The following CHST11 variants were observed in gnomAD, a reference collection of about 807,000 sequenced individuals.
The protein encoded by CHST11 is carbohydrate sulfotransferase 11.
In CHST11, 9 loss-of-function variants were observed where a neutral mutation model predicts 30.4. That is an observed-to-expected ratio of 0.30 (90% CI 0.18 to 0.52). CHST11 has a LOEUF of 0.52. CHST11 is among the 20% of genes least tolerant of loss of function. CHST11 has a pLI of 0.97. For missense variants in CHST11, 348 were observed against 460.6 expected, an observed-to-expected ratio of 0.76 and a Z score of 2.24; for synonymous variants, 152 against 187.8, an observed-to-expected ratio of 0.81 and a Z score of 1.56.
At chr12:104,518,468 T>G (rs754060930) in intron 1 of CHST11, among the ~76,000 whole-genome samples, 1 of 152,142 alleles carries the variant, frequency 6.6e-6, no homozygotes, top group Admixed American at 6.5e-5. Context: ...CCAGATTCAG[T>G]TGGACTCTGA....
intron 2 of CHST11, among the ~76,000 whole-genome samples, chr12:104,695,967 AC>A (rs1252757487): frequency 6.6e-6 from 1 of 152,130 alleles, no homozygotes; most frequent in Non-Finnish European, 1.5e-5. Context: ...TGACCCTCCC[AC>A]CCCCACTTTG....
At chr12:104,560,914 T>C (rs531839364) in intron 1 of CHST11, among the ~76,000 whole-genome samples, 1 of 152,208 alleles carries the variant, frequency 6.6e-6, no homozygotes, top group Non-Finnish European at 1.5e-5. Context: ...ATTGCTGTGG[T>C]CAGCCATGTC....
At chr12:104,686,711 G>A (rs969170528) in intron 2 of CHST11, among the ~76,000 whole-genome samples, 4 of 152,136 alleles carry the variant, frequency 2.6e-5, no homozygotes, top group Admixed American at 6.5e-5. Context: ...GCAGTGGCGC[G>A]ATCTCAGCTC....
chr12:104,541,844 G>C (rs2038290401), intron 1 of CHST11, among the ~76,000 whole-genome samples: 2 of 152,196 alleles, frequency 1.3e-5, no homozygotes, highest in Non-Finnish European at 2.9e-5. Flanking sequence ...AGGGAAAATT[G>C]CTTGAACCCA....
At chr12:104,617,332 C>T (rs1486073511) in intron 2 of CHST11, among the ~76,000 whole-genome samples, 1 of 152,096 alleles carries the variant, frequency 6.6e-6, no homozygotes, top group Admixed American at 6.5e-5. Context: ...TCACAAGAAA[C>T]AAGGAGGAGG....
At chr12:104,601,764 AGT>A (rs1371216357) in intron 1 of CHST11, 140 bp from the exon 2 acceptor site, 20 of 635,358 alleles carry the variant, frequency 3.1e-5, no homozygotes, top group African/African-American at 7.4e-5. Flanking sequence ...GAGAAGGGAC[AGT>A]GTGGAAATCT....
At chr12:104,598,892 TTGGGAGGTGACCCTCACCTCACAG>T in intron 1 of CHST11, among the ~76,000 whole-genome samples, 2 of 41,784 alleles carry the variant, frequency 4.8e-5, no homozygotes, top group South Asian at 1.9e-3. Flanking sequence ...CCTAGCTGAG[TTGGGAGGTGACCCTCACCTCACAG>T]GTTGGGCAGC....
At chr12:104,755,941 A>G (rs546158187) in intron 2 of CHST11, among the ~76,000 whole-genome samples, 1 of 152,042 alleles carries the variant, frequency 6.6e-6, no homozygotes, top group South Asian at 2.1e-4. Context: ...AAGGGTGAGG[A>G]GTAGGAATCA....
intron 2 of CHST11, among the ~76,000 whole-genome samples, chr12:104,744,374 G>C (rs531943985): frequency 3.5e-4 from 53 of 152,070 alleles, no homozygotes; most frequent in Non-Finnish European, 7.1e-4. Context: ...ACTTTTTTTT[G>C]TATGATTGTT....
chr12:104,599,804 GC>G (rs1367233512), intron 1 of CHST11, among the ~76,000 whole-genome samples: 2 of 152,144 alleles, frequency 1.3e-5, no homozygotes, highest in Non-Finnish European at 2.9e-5. Flanking sequence ...GCAAACTCTA[GC>G]CCAAGGGCCA....
intron 2 of CHST11, among the ~76,000 whole-genome samples, chr12:104,667,539 AAGTGGACACAGGATGGTTTTAGACGAG>A (rs1289070177): frequency 1.3e-5 from 2 of 152,200 alleles, no homozygotes; most frequent in African/African-American, 2.4e-5. Flanking sequence ...GGAAGGAGCC[AAGTGGACACAGGATGGTTTTAGACGAG>A]TGGTCCTAAC....
chr12:104,496,213 T>G (rs59632603), intron 1 of CHST11, among the ~76,000 whole-genome samples: 55,612 of 152,086 alleles, frequency 0.37, 10,515 homozygotes, highest in African/African-American at 0.42. Flanking sequence ...TGTGTGGCAG[T>G]GGGGAGGAAG....
At chr12:104,464,543 G>T (rs1376381609) in intron 1 of CHST11, among the ~76,000 whole-genome samples, 1 of 151,728 alleles carries the variant, frequency 6.6e-6, no homozygotes, top group Non-Finnish European at 1.5e-5. Flanking sequence ...TTGCTCTATT[G>T]CCCAGGTTGG....
Position 104,757,767 on chromosome 12 carries a change from C to A in CHST11, c.1023C>A (p.Phe341Leu). ...YEVYKLDFLM[F>L]NYSVPSYLKL... Reference sequence around the variant, plus strand: ...TCTACAAACTCGATTTTTTAATGTTCAATTACTCAGTGCCAAGCTACCTGA... The same window carrying A: ...TCTACAAACTCGATTTTTTAATGTTAAATTACTCAGTGCCAAGCTACCTGA... Residue 341 changes from phenylalanine to leucine, a missense_variant, in exon 3 of 3, where the codon TTC becomes TTA. Phe to Leu is a conservative substitution (Grantham distance 22). This residue lies in a region of CHST11 where 210 missense variants were observed against 287.2 expected (regional missense o/e 0.73). Coordinates refer to ENST00000303694, the MANE Select transcript of CHST11 (RefSeq NM_018413.6). This position sits in a 1 kb window ranked among gnomAD's most constrained non-coding sequence, Gnocchi z 6.5. 1 of 1,613,960 alleles carries A rather than the reference C, an allele frequency of 6.2e-7. No individual in the cohort carries two copies. The highest frequency in any genetic ancestry group is 1.1e-5 in the South Asian group (1 of 91,060).
At chr12:104,513,027 A>G (rs1246174304) in intron 1 of CHST11, among the ~76,000 whole-genome samples, 1 of 151,230 alleles carries the variant, frequency 6.6e-6, no homozygotes, top group Non-Finnish European at 1.5e-5. Flanking sequence ...ATTGGTTTGT[A>G]TGGCCATTTC....
chr12:104,716,692 C>CT (rs1447408944), intron 2 of CHST11, among the ~76,000 whole-genome samples: 1 of 152,174 alleles, frequency 6.6e-6, no homozygotes, highest in Non-Finnish European at 1.5e-5. Context: ...CCCAACGTGC[C>CT]TGGGGGAGGC....
At chr12:104,509,473 T>G (rs978330059) in intron 1 of CHST11, among the ~76,000 whole-genome samples, 5 of 152,230 alleles carry the variant, frequency 3.3e-5, no homozygotes, top group African/African-American at 1.2e-4. Context: ...TTTTTGAGTC[T>G]CCTGTTTTCC....
intron 2 of CHST11, among the ~76,000 whole-genome samples, chr12:104,755,557 TG>T (rs1216254002): frequency 6.6e-6 from 1 of 152,098 alleles, no homozygotes; most frequent in Non-Finnish European, 1.5e-5. Context: ...AGACTGAGGC[TG>T]GCCAATCACC....
chr12:104,665,344 G>A (rs1324952095), intron 2 of CHST11, among the ~76,000 whole-genome samples: 1 of 152,176 alleles, frequency 6.6e-6, no homozygotes, highest in Non-Finnish European at 1.5e-5. Flanking sequence ...GGAGCAGCAT[G>A]GAAGAAAAGA....
Sources: gnomAD v4.1 joint callset for allele counts (sites outside exome capture counted in the v4.1 genomes callset) on GRCh38, gnomAD v4.1.1 for gene constraint, gnomAD v4.1.1 regional missense constraint, Gnocchi (gnomAD v3.1) non-coding constraint, MANE v1.5 for transcripts, NCBI Gene and HGNC (gene_info 2026-07-23, HGNC 2026-07-21) for gene names.